Variants in PPP6R3 observed in about 807,000 individuals in gnomAD.
PPP6R3 encodes protein phosphatase 6 regulatory subunit 3.
Under a neutral mutation model 110.7 loss-of-function variants are expected in PPP6R3, and 38 were observed. The ratio of observed to expected loss-of-function variants is 0.34; its 90% CI spans 0.26 to 0.45. PPP6R3 has a LOEUF of 0.45. Among genes scored for constraint, PPP6R3 ranks in the 20% least tolerant of loss-of-function variants. PPP6R3 has a pLI of 1.00. For synonymous variants in PPP6R3, 369 were observed against 373.5 expected (o/e 0.99, Z 0.14); for missense variants, 870 against 1,062.4 (o/e 0.82, Z 2.52).
chr11:68,468,409 C>A (rs1408134242), intron 1 of PPP6R3, among the ~76,000 whole-genome samples: 3 of 152,178 alleles, frequency 2.0e-5, no homozygotes, highest in Non-Finnish European at 2.9e-5. Flanking sequence ...GCAAGTGAGA[C>A]CCTGCCCCTT....
At chr11:68,571,435 G>T (rs1405392621) in intron 12 of PPP6R3, among the ~76,000 whole-genome samples, 4 of 152,304 alleles carry the variant, frequency 2.6e-5, no homozygotes, top group African/African-American at 9.6e-5. Flanking sequence ...GTGACTTAGT[G>T]TATTTGTCCT....
chr11:68,477,031 TAAA>T (rs1197052533), intron 1 of PPP6R3, among the ~76,000 whole-genome samples: 6 of 143,554 alleles, frequency 4.2e-5, no homozygotes, highest in African/African-American at 1.5e-4. Flanking sequence ...CCTGTTTCTT[TAAA>T]AAAAAAAAAA....
chr11:68,461,089 G>A (rs564267723), intron 1 of PPP6R3, among the ~76,000 whole-genome samples: 54 of 151,468 alleles, frequency 3.6e-4, no homozygotes, highest in Non-Finnish European at 6.9e-4. Context: ...TCGGGGCGGC[G>A]ACTTTGTGCC....
intron 1 of PPP6R3, among the ~76,000 whole-genome samples, chr11:68,486,903 A>C (rs1414642546): frequency 1.3e-5 from 2 of 152,146 alleles, no homozygotes; most frequent in East Asian, 3.8e-4. Flanking sequence ...TTATTCTTCT[A>C]ATGCCCATGG....
At chr11:68,512,664 T>C (rs966471599) in intron 1 of PPP6R3, among the ~76,000 whole-genome samples, 6 of 152,184 alleles carry the variant, frequency 3.9e-5, no homozygotes, top group African/African-American at 1.4e-4. Flanking sequence ...GTGGACTCAG[T>C]TTTAGATGAC....
intron 19 of PPP6R3, among the ~76,000 whole-genome samples, chr11:68,597,295 T>A (rs1306719252): frequency 6.6e-6 from 1 of 152,118 alleles, no homozygotes; most frequent in East Asian, 1.9e-4. Flanking sequence ...CCGTAGGGAT[T>A]TGCCCGTGCG....
chr11:68,501,586 C>A (rs1007773891), intron 1 of PPP6R3, among the ~76,000 whole-genome samples: 2 of 152,242 alleles, frequency 1.3e-5, no homozygotes, highest in South Asian at 4.1e-4. Flanking sequence ...CTTGGCCTCA[C>A]AAAGTGCTGG....
intron 2 of PPP6R3, among the ~76,000 whole-genome samples, chr11:68,520,882 C>T (rs539395188): frequency 7.2e-5 from 11 of 152,234 alleles, no homozygotes; most frequent in African/African-American, 1.4e-4. Context: ...AGCGATTATC[C>T]GGTCTTGGCC....
chr11:68,556,535 T>TA (rs11375771), intron 7 of PPP6R3, among the ~76,000 whole-genome samples: 4,195 of 107,620 alleles, frequency 0.039, 106 homozygotes, highest in African/African-American at 0.092. Flanking sequence ...AATTTCTCAT[T>TA]AAAAAAAAAA....
chr11:68,593,375 G>T (rs1283639574), intron 18 of PPP6R3, among the ~76,000 whole-genome samples: 1 of 149,392 alleles, frequency 6.7e-6, no homozygotes, highest in African/African-American at 2.6e-5. Flanking sequence ...TTGTGGGGTT[G>T]GGCAGGGGCT....
Position 68,614,247 on chromosome 11 carries a change from A to G in PPP6R3, c.*1130A>G. On this transcript the variant is annotated 3_prime_UTR_variant, in exon 24 of 24. Coordinates refer to ENST00000393800, the MANE Select transcript of PPP6R3 (RefSeq NM_001164161.2). ...ATTTTTTTAGAACTGGTTTGTGTAT[A>G]TATATAGTGATTATGGATACTAATT... The G allele has an allele frequency of 2.0e-6, 2 of 1,019,818 alleles. No homozygotes were observed. Among genetic ancestry groups the G allele is most frequent in the Non-Finnish European group, 2.3e-6 (2 of 851,370 alleles). The allele number at this position is 1,019,818 out of a possible 1,614,324, so 63.2% of individuals were successfully genotyped here.
chr11:68,615,275 A>G lies in PPP6R3; in HGVS notation c.*2158A>G. 1 of 358,724 alleles carries G rather than the reference A, an allele frequency of 2.8e-6. No individual in the cohort carries two copies. Among genetic ancestry groups the G allele is most frequent in the Non-Finnish European group, 5.5e-6 (1 of 182,204 alleles). 22.2% of individuals were successfully genotyped at this position (358,724 alleles called of 1,614,324 possible). A position where few individuals can be genotyped will look rare whatever the true frequency, so the allele number is the denominator to read the frequency against. Reference sequence around the variant, plus strand: ...TGAATTATGAGACTAACAGATGTCTACAATACAATACCTGTATTCAAAATA... The same window carrying G: ...TGAATTATGAGACTAACAGATGTCTGCAATACAATACCTGTATTCAAAATA... On this transcript the variant is annotated 3_prime_UTR_variant, in exon 24 of 24. Transcript: ENST00000393800.
intron 1 of PPP6R3, among the ~76,000 whole-genome samples, chr11:68,492,646 T>G (rs571166003): frequency 6.6e-6 from 1 of 152,330 alleles, no homozygotes; most frequent in African/African-American, 2.4e-5. Context: ...GTGGAATGGC[T>G]AGATCATATG....
chr11:68,566,003 C>CG (rs2099464790), intron 9 of PPP6R3, among the ~76,000 whole-genome samples: 1 of 152,118 alleles, frequency 6.6e-6, no homozygotes, highest in Admixed American at 6.5e-5. Context: ...TAGGCTGTTA[C>CG]GTGCCACCCT....
intron 8 of PPP6R3, among the ~76,000 whole-genome samples, chr11:68,559,686 T>G (rs1209835247): frequency 1.3e-5 from 2 of 152,220 alleles, no homozygotes; most frequent in African/African-American, 2.4e-5. Flanking sequence ...AAGTATGTTG[T>G]AGTTTGGGGG....
At chr11:68,551,296 G>C (rs1450158193) in intron 6 of PPP6R3, 110 bp downstream of exon 6, 4 of 786,550 alleles carry the variant, frequency 5.1e-6, no homozygotes, top group African/African-American at 1.8e-5. Context: ...GAGCATACAG[G>C]GAGAATAGCA....
chr11:68,529,786 A>G (rs1465543175), intron 2 of PPP6R3, among the ~76,000 whole-genome samples: 1 of 152,194 alleles, frequency 6.6e-6, no homozygotes, highest in Non-Finnish European at 1.5e-5. Context: ...CTATTTTAAA[A>G]AAGAGGAAAA....
chr11:68,531,810 T>TA (rs1473003719), intron 2 of PPP6R3, among the ~76,000 whole-genome samples: 2 of 152,172 alleles, frequency 1.3e-5, no homozygotes, highest in African/African-American at 4.8e-5. Flanking sequence ...TCCTGAGGCT[T>TA]AGAGATGAAG....
chr11:68,496,930 C>T (rs1402267855), intron 1 of PPP6R3, among the ~76,000 whole-genome samples: 2 of 136,882 alleles, frequency 1.5e-5, no homozygotes, highest in African/African-American at 2.7e-5. Flanking sequence ...GGTGCAATCT[C>T]GGCTCACTGC....
Sources: gnomAD v4.1 joint callset for allele counts (sites outside exome capture counted in the v4.1 genomes callset) on GRCh38, gnomAD v4.1.1 for gene constraint, MANE v1.5 for transcripts, NCBI Gene and HGNC (gene_info 2026-07-23, HGNC 2026-07-21) for gene names.